Variants in RNF38 observed in about 807,000 individuals in gnomAD.
The protein encoded by RNF38 is E3 ubiquitin-protein ligase RNF38.
A neutral mutation model predicts 67.2 loss-of-function variants in RNF38; 15 were observed. That is an observed-to-expected ratio of 0.22 (90% CI 0.15 to 0.34). The LOEUF (loss-of-function observed/expected upper bound fraction) is 0.34. Ranked by LOEUF, RNF38 falls within the 10% of genes least tolerant of loss-of-function variation. RNF38 has a pLI of 1.00. For missense variants in RNF38, 524 were observed against 639.9 expected (o/e 0.82, Z 1.95); for synonymous variants, 220 against 218.8 (o/e 1.01, Z -0.05).
At chr9:36,391,704 C>T (rs1837109237) in intron 1 of RNF38, among the ~76,000 whole-genome samples, 1 of 151,098 alleles carries the variant, frequency 6.6e-6, no homozygotes, top group Non-Finnish European at 1.5e-5. Context: ...GCTCCACCCA[C>T]TGGGGTTCAC....
intron 2 of RNF38, among the ~76,000 whole-genome samples, chr9:36,388,150 AGAG>A: frequency 1.3e-5 from 2 of 152,242 alleles, no homozygotes; most frequent in Middle Eastern, 6.8e-3. Flanking sequence ...AGGATACTGA[AGAG>A]AGATGTACGT....
In RNF38 at chr9:36,336,769, CTG is replaced by C. The variant is rs1410185656; in HGVS notation, c.*2981_*2982del. ...TCTAATGAAAAGGCCCAAAGATAATCTGTGAAAAATATTCTCACAAGTGAGTC... is the reference window on the plus strand; with the variant it reads ...TCTAATGAAAAGGCCCAAAGATAATCTGAAAAATATTCTCACAAGTGAGTC... On this transcript the variant is annotated 3_prime_UTR_variant, in exon 12 of 12. Coordinates refer to ENST00000259605, the MANE Select transcript of RNF38 (RefSeq NM_022781.5). The C allele has an allele frequency of 6.6e-6, 1 of 152,502 alleles. No individual in the cohort carries two copies. The allele number at this position is 152,502 out of a possible 1,614,324, so 9.4% of individuals were successfully genotyped here. A position where few individuals can be genotyped will look rare whatever the true frequency, so the allele number is the denominator to read the frequency against.
In RNF38 at chr9:36,356,441, T is replaced by C. The variant is rs368404987; in HGVS notation, c.771A>G (p.Pro257=). Residue 257 remains proline (P), a synonymous_variant, in exon 6 of 12, where the codon CCA becomes CCG. Transcript: ENST00000259605. ...MLQACSVQHL[P]VPYAAFPPLI... The stretch of plus-strand genomic sequence containing the variant: ...GGGGTGGGAATGCAGCATATGGTAC[T>C]GGTAAGTGCTGAACTGAACATGCCT... 1.2e-6 allele frequency: 2 copies of C among 1,612,752 alleles called. No individual in the cohort carries two copies. Among genetic ancestry groups the C allele is most frequent in the Non-Finnish European group, 1.7e-6 (2 of 1,179,370 alleles).
At chr9:36,485,613 G>T (rs74959531) in intron 1 of RNF38, among the ~76,000 whole-genome samples, 8,066 of 152,180 alleles carry the variant, frequency 0.053, 653 homozygotes, top group African/African-American at 0.18. Flanking sequence ...AAATATGTGT[G>T]TCTTAGAGTT....
At chr9:36,358,918 G>A (rs1386825082) in intron 4 of RNF38, among the ~76,000 whole-genome samples, 1 of 152,206 alleles carries the variant, frequency 6.6e-6, no homozygotes, top group African/African-American at 2.4e-5. Flanking sequence ...GGCTGAGGCA[G>A]GAGAATCACT....
At position 36,376,068 on chromosome 9, in the gene RNF38, T is replaced by C. The variant is rs781560075; in HGVS notation, c.222A>G (p.Thr74=). 53 of 1,613,258 alleles carry C rather than the reference T, an allele frequency of 3.3e-5. No individual in the cohort carries two copies. Among genetic ancestry groups the C allele is most frequent in the Non-Finnish European group, 4.2e-5 (49 of 1,179,766 alleles). Residue 74 remains threonine (T), a synonymous_variant, in exon 3 of 12, where the codon ACA becomes ACG. Coordinates refer to ENST00000259605, the MANE Select transcript of RNF38 (RefSeq NM_022781.5). ...GTGGTGAGGGAGCTGGTGATGCTGA[T>C]GTATAATCAAAGACTGAATGAGAGA... ...QRLSHSVFDY[T]SASPAPSPPM...
chr9:36,419,022 ACAG>A (rs1838549856), intron 2 of RNF38, among the ~76,000 whole-genome samples: 1 of 152,206 alleles, frequency 6.6e-6, no homozygotes, highest in Non-Finnish European at 1.5e-5. Flanking sequence ...GTATACAGTC[ACAG>A]AAGAAAAACT....
At chr9:36,351,506 T>G (rs1213634930) in intron 8 of RNF38, among the ~76,000 whole-genome samples, 1 of 152,170 alleles carries the variant, frequency 6.6e-6, no homozygotes, top group African/African-American at 2.4e-5. Flanking sequence ...CAGCAAGCAC[T>G]TAAGTAAAAA....
rs577519967 is a variant in RNF38, at chr9:36,460,438, G to A, written n.241+26870C>T. On this transcript the variant is annotated intron_variant and non_coding_transcript_variant, in intron 1 of 3. Coordinates refer to the RNF38 transcript ENST00000488058. ...TGGAGGTAACATTAAGTGTGTGTGT[G>A]CAAGTGCCTGCCCCGACCCCATCAC... Among the ~76,000 whole-genome samples, 12 of 152,226 alleles carry A rather than the reference G, an allele frequency of 7.9e-5. No individual in the cohort carries two copies. The South Asian group carries it at 2.5e-3, about 32-fold the overall frequency.
intron 3 of RNF38, among the ~76,000 whole-genome samples, chr9:36,370,409 T>A (rs571807268): frequency 2.0e-3 from 308 of 152,292 alleles, no homozygotes; most frequent in Non-Finnish European, 3.1e-3. Context: ...AATGACACTT[T>A]TAAAAAATGA....
chr9:36,434,130 G>A (rs1002234463), intron 1 of RNF38, among the ~76,000 whole-genome samples: 3 of 150,214 alleles, frequency 2.0e-5, no homozygotes, highest in Non-Finnish European at 4.4e-5. Context: ...CAGCTACTTG[G>A]GAGACTGAGG....
intron 2 of RNF38, among the ~76,000 whole-genome samples, chr9:36,409,429 G>A (rs1838268138): frequency 6.6e-6 from 1 of 152,206 alleles, no homozygotes; most frequent in Admixed American, 6.5e-5. Flanking sequence ...ACGAAGAGAA[G>A]TCGCTGAAAA....
upstream of RNF38, chr9:36,401,283 C>G: frequency 4.2e-6 from 4 of 961,860 alleles, no homozygotes; most frequent in Non-Finnish European, 4.9e-6. Context: ...GCGCGCAGCA[C>G]CACTGCGCAG....
At chr9:36,475,430 C>G (rs1382100325) in intron 1 of RNF38, among the ~76,000 whole-genome samples, 1 of 151,872 alleles carries the variant, frequency 6.6e-6, no homozygotes, top group Non-Finnish European at 1.5e-5. Context: ...ATCATCTCAG[C>G]TCCTGCAACC....
chr9:36,360,350 T>C (rs1364872152), intron 4 of RNF38, among the ~76,000 whole-genome samples: 1 of 152,170 alleles, frequency 6.6e-6, no homozygotes, highest in Admixed American at 6.5e-5. Flanking sequence ...TTACCAACTT[T>C]TAAATTCTGG....
chr9:36,370,250 T>C (rs1249520936), intron 3 of RNF38, among the ~76,000 whole-genome samples: 2 of 152,206 alleles, frequency 1.3e-5, no homozygotes, highest in East Asian at 3.8e-4. Context: ...TTTCATATAA[T>C]TTAACCTACC....
chr9:36,400,342 A>AG, upstream of RNF38: 1 of 1,239,746 alleles, frequency 8.1e-7, no homozygotes, highest in South Asian at 2.7e-5. Context: ...CTCGGCAAAA[A>AG]GGGAGGGAGC....
At chr9:36,407,043 T>C (rs1176490102) in intron 2 of RNF38, among the ~76,000 whole-genome samples, 1 of 152,158 alleles carries the variant, frequency 6.6e-6, no homozygotes, top group South Asian at 2.1e-4. Context: ...AAAGCTGCAC[T>C]GAGGGAAAAG....
chr9:36,341,574 A>C (rs1291990590), intron 11 of RNF38, among the ~76,000 whole-genome samples: 1 of 152,026 alleles, frequency 6.6e-6, no homozygotes, highest in African/African-American at 2.4e-5. Flanking sequence ...CAGCTTTTGT[A>C]AACTTTTTTT....
Sources: gnomAD v4.1 joint callset for allele counts (sites outside exome capture counted in the v4.1 genomes callset) on GRCh38, gnomAD v4.1.1 for gene constraint, MANE v1.5 for transcripts, NCBI Gene and HGNC (gene_info 2026-07-23, HGNC 2026-07-21) for gene names.